Variants in ALK observed in about 807,000 individuals in gnomAD.
The protein encoded by ALK is ALK tyrosine kinase receptor.
In ALK, 74 loss-of-function variants were observed where a neutral mutation model predicts 163.1. The ratio of observed to expected loss-of-function variants is 0.45; its 90% confidence interval spans 0.38 to 0.55. The LOEUF (loss-of-function observed/expected upper bound fraction) is 0.55, where lower values mean the gene tolerates loss of function less well. Among genes scored for constraint, ALK ranks in the 20% least tolerant of loss-of-function variants. The pLI is 0.00. For missense variants in ALK, 2,063 were observed against 2,105.3 expected, an observed-to-expected ratio of 0.98 and a Z score of 0.39; for synonymous variants, 960 against 843.2, an observed-to-expected ratio of 1.14 and a Z score of -2.40.
chr2:29,475,411 C>T (rs976052285), intron 4 of ALK, among the ~76,000 whole-genome samples: 1 of 152,188 alleles, frequency 6.6e-6, no homozygotes, highest in Non-Finnish European at 1.5e-5. Context: ...CAAGGTCACA[C>T]GGCGTAGGTG....
chr2:29,798,608 C>T (rs569453371), intron 1 of ALK, among the ~76,000 whole-genome samples: 6 of 152,348 alleles, frequency 3.9e-5, no homozygotes, highest in South Asian at 4.1e-4. Flanking sequence ...GTGAAGCTCT[C>T]GAGAGGTATG....
intron 5 of ALK, among the ~76,000 whole-genome samples, chr2:29,362,562 G>C (rs1054299932): frequency 6.6e-6 from 1 of 152,204 alleles, no homozygotes; most frequent in Admixed American, 6.5e-5. Context: ...GGAGCTGGAT[G>C]GATCCCAGGA....
At chr2:29,676,549 C>G (rs916008866) in intron 3 of ALK, among the ~76,000 whole-genome samples, 12 of 151,952 alleles carry the variant, frequency 7.9e-5, no homozygotes, top group Admixed American at 7.9e-4. Context: ...ATCACACTGT[C>G]TTCATTACTT....
At chr2:29,747,624 T>A (rs1192948656) in intron 1 of ALK, among the ~76,000 whole-genome samples, 6 of 152,192 alleles carry the variant, frequency 3.9e-5, no homozygotes, top group African/African-American at 1.4e-4. Context: ...ACAGAGTGAA[T>A]GCTCAATAAA....
At chr2:29,277,714 T>C (rs757221362) in intron 9 of ALK, among the ~76,000 whole-genome samples, 7 of 152,174 alleles carry the variant, frequency 4.6e-5, no homozygotes, top group Non-Finnish European at 8.8e-5. Flanking sequence ...AAGTGCCTGA[T>C]GGAGAACCTT....
chr2:29,713,707 C>T (rs980569730), intron 2 of ALK, among the ~76,000 whole-genome samples: 3 of 152,094 alleles, frequency 2.0e-5, no homozygotes, highest in African/African-American at 7.2e-5. Flanking sequence ...AATGAAAGCA[C>T]ATTAATAAAC....
intron 1 of ALK, among the ~76,000 whole-genome samples, chr2:29,851,793 T>C (rs913867980): frequency 6.6e-6 from 1 of 152,206 alleles, no homozygotes; most frequent in Non-Finnish European, 1.5e-5. Context: ...TACGACTCTG[T>C]TGTTACCAAA....
intron 1 of ALK, among the ~76,000 whole-genome samples, chr2:29,912,723 A>C (rs1026807551): frequency 1.3e-5 from 2 of 152,022 alleles, no homozygotes; most frequent in African/African-American, 2.4e-5. Flanking sequence ...ATAAATATAC[A>C]GGCTTAGCAA....
intron 3 of ALK, among the ~76,000 whole-genome samples, chr2:29,644,663 A>G (rs1193736523): frequency 3.3e-5 from 5 of 152,130 alleles, no homozygotes; most frequent in Admixed American, 2.0e-4. Flanking sequence ...CATTTATAGA[A>G]GTTTATACCC....
intron 4 of ALK, among the ~76,000 whole-genome samples, chr2:29,404,492 C>G (rs1381079944): frequency 6.6e-6 from 1 of 152,092 alleles, no homozygotes; most frequent in Non-Finnish European, 1.5e-5. Context: ...CAATGTGTAG[C>G]AACTGTTCTA....
intron 5 of ALK, among the ~76,000 whole-genome samples, chr2:29,354,472 C>A (rs1304985534): frequency 1.3e-5 from 2 of 152,158 alleles, no homozygotes; most frequent in Non-Finnish European, 2.9e-5. Flanking sequence ...CCAAGGCAGC[C>A]CTTCTGGGCC....
Position 29,326,798 on chromosome 2 carries a change from C to A in ALK, c.1414+1552G>T, listed in dbSNP as rs76931861. ...AATAAATGAAACCTTCTCCACCCCC[C>A]ACAAAGGGTCCAGATGACTGGGGGC... is the stretch of plus-strand genomic sequence containing the variant. On this transcript the variant is annotated intron_variant, in intron 6 of 28. Transcript: ENST00000389048. Among the ~76,000 whole-genome samples, 665 of 152,328 alleles carry A rather than the reference C, an allele frequency of 4.4e-3. 7 individuals carry two copies. Among genetic ancestry groups the A allele is most frequent in the African/African-American group, 0.015 (616 of 41,570 alleles).
intron 1 of ALK, among the ~76,000 whole-genome samples, chr2:29,887,243 T>C (rs2148422078): frequency 6.6e-6 from 1 of 152,334 alleles, no homozygotes; most frequent in East Asian, 1.9e-4. Context: ...AGCTGGCAGA[T>C]AGCTGGTCTT....
At chr2:29,285,604 C>T (rs1008388983) in intron 9 of ALK, among the ~76,000 whole-genome samples, 8 of 150,706 alleles carry the variant, frequency 5.3e-5, no homozygotes, top group African/African-American at 2.0e-4. Flanking sequence ...TTTCTGTCGC[C>T]CAGGCTGGAA....
chr2:29,255,738 A>G (rs1313231243), intron 11 of ALK, among the ~76,000 whole-genome samples: 1 of 152,030 alleles, frequency 6.6e-6, no homozygotes, highest in Non-Finnish European at 1.5e-5. Context: ...TCAGAACCTT[A>G]CTTAATACCA....
intron 2 of ALK, among the ~76,000 whole-genome samples, chr2:29,716,735 G>A (rs947297134): frequency 3.3e-5 from 5 of 152,072 alleles, no homozygotes; most frequent in Non-Finnish European, 5.9e-5. Context: ...TGCTGTTGCA[G>A]AATCAAATGA....
At chr2:29,370,941 G>A (rs1357363569) in intron 5 of ALK, among the ~76,000 whole-genome samples, 1 of 152,216 alleles carries the variant, frequency 6.6e-6, no homozygotes, top group Non-Finnish European at 1.5e-5. Flanking sequence ...GATTAATGGG[G>A]GGAATTAGTT....
At chr2:29,571,667 A>AGTGCAGT (rs1338115927) in intron 3 of ALK, among the ~76,000 whole-genome samples, 1 of 125,166 alleles carries the variant, frequency 8.0e-6, no homozygotes. Context: ...CCCAGGCTAG[A>AGTGCAGT]GTGCAGTGGC....
chr2:29,791,439 T>C (rs889218853), intron 1 of ALK, among the ~76,000 whole-genome samples: 1 of 151,992 alleles, frequency 6.6e-6, no homozygotes, highest in Non-Finnish European at 1.5e-5. Flanking sequence ...TGAGAACACA[T>C]GGACACAGGG....
Sources: gnomAD v4.1 joint callset for allele counts (sites outside exome capture counted in the v4.1 genomes callset) on GRCh38, gnomAD v4.1.1 for gene constraint, MANE v1.5 for transcripts, NCBI Gene and HGNC (gene_info 2026-07-23, HGNC 2026-07-21) for gene names.